ARMC3: variants seen among roughly 807,000 people sequenced by gnomAD.
ARMC3 encodes the protein armadillo repeat containing 3, also known as armadillo repeat-containing protein 3.
Under a neutral mutation model 90.3 loss-of-function variants are expected in ARMC3, and 74 were observed. The observed-to-expected ratio is 0.82, with a 90% CI of 0.68 to 0.99. The LOEUF is 0.99. Among genes scored for constraint, ARMC3 ranks in the 50% least tolerant of loss-of-function variants. ARMC3 has a pLI of 0.00. For synonymous variants in ARMC3, 334 were observed against 361.8 expected (o/e 0.92, Z 0.87); for missense variants, 958 against 1,042.8 (o/e 0.92, Z 1.12).
chr10:23,020,957 A>G (rs559025390), intron 16 of ARMC3, among the ~76,000 whole-genome samples: 2 of 151,282 alleles, frequency 1.3e-5, no homozygotes, highest in African/African-American at 2.4e-5. Context: ...CCACCTCTCA[A>G]CCTCCCCCAC....
intron 8 of ARMC3, among the ~76,000 whole-genome samples, chr10:22,978,778 A>G (rs563132529): frequency 1.2e-4 from 18 of 152,036 alleles, no homozygotes; most frequent in Non-Finnish European, 2.2e-4. Context: ...TTTGACAAAT[A>G]TTGCTCCTTA....
chr10:22,947,104 A>G (rs1834560172), intron 3 of ARMC3, among the ~76,000 whole-genome samples: 1 of 151,768 alleles, frequency 6.6e-6, no homozygotes, highest in Non-Finnish European at 1.5e-5. Flanking sequence ...CCAGGAGTTC[A>G]AGACCAGCCT....
At chr10:22,946,044 T>C in intron 2 of ARMC3, 100 bp from the exon 3 acceptor site, 1 of 837,430 alleles carries the variant, frequency 1.2e-6, no homozygotes, top group Non-Finnish European at 1.8e-6. Context: ...CACATCCTTT[T>C]TGCAAGATTA....
intron 7 of ARMC3, among the ~76,000 whole-genome samples, chr10:22,962,477 T>C (rs1835241273): frequency 6.6e-6 from 1 of 152,200 alleles, no homozygotes; most frequent in African/African-American, 2.4e-5. Context: ...ACTTTAAGAA[T>C]GTCTGTGCCT....
intron 10 of ARMC3, among the ~76,000 whole-genome samples, chr10:22,991,268 T>C (rs1458062446): frequency 6.6e-6 from 1 of 152,072 alleles, no homozygotes; most frequent in African/African-American, 2.4e-5. Context: ...TAAAAATGAA[T>C]CTATATAATC....
intron 3 of ARMC3, 177 bp downstream of exon 3, chr10:22,946,438 C>A: frequency 2.2e-6 from 1 of 446,582 alleles, no homozygotes; most frequent in South Asian, 3.2e-5. Context: ...GAGTTCCTAG[C>A]TTAATCTTAA....
chr10:22,938,693 T>A (rs1040760421), intron 2 of ARMC3, among the ~76,000 whole-genome samples: 1 of 151,650 alleles, frequency 6.6e-6, no homozygotes, highest in Non-Finnish European at 1.5e-5. Context: ...AGCAATGGAG[T>A]GAATGGAAGT....
intron 1 of ARMC3, among the ~76,000 whole-genome samples, chr10:22,930,828 C>T (rs184366283): frequency 1.2e-4 from 18 of 152,234 alleles, no homozygotes; most frequent in Admixed American, 9.8e-4. Flanking sequence ...TACGATATAC[C>T]GTTTAAGATG....
chr10:22,969,828 A>T (rs1431179509), intron 8 of ARMC3, among the ~76,000 whole-genome samples: 1 of 152,168 alleles, frequency 6.6e-6, no homozygotes, highest in South Asian at 2.1e-4. Flanking sequence ...ATATGTATCA[A>T]ATGTGGCTGG....
chr10:23,007,354 T>C (rs1388100694), intron 14 of ARMC3, among the ~76,000 whole-genome samples: 1 of 152,102 alleles, frequency 6.6e-6, no homozygotes, highest in Non-Finnish European at 1.5e-5. Flanking sequence ...CACCCAACAT[T>C]TTTCTTTGAA....
intron 3 of ARMC3, among the ~76,000 whole-genome samples, chr10:22,950,383 C>T (rs1287435407): frequency 6.6e-6 from 1 of 152,002 alleles, no homozygotes; most frequent in East Asian, 1.9e-4. Flanking sequence ...GTTAGGATCT[C>T]ATATGTGAAG....
intron 3 of ARMC3, among the ~76,000 whole-genome samples, chr10:22,951,085 C>T (rs1221115200): frequency 6.6e-6 from 1 of 151,400 alleles, no homozygotes; most frequent in Non-Finnish European, 1.5e-5. Flanking sequence ...CTACAGGCGC[C>T]CGCCACTACA....
rs956743905 is a variant in ARMC3 at position 22,975,645 on chromosome 10, T to C, written c.917-5695T>C. The stretch of plus-strand genomic sequence containing the variant: ...CCTGATTTGCATTATTTTGCATATA[T>C]GATTTTTTTGCTGTATTAAGGTAGA... On this transcript the variant is annotated intron_variant, in intron 8 of 18. Transcript: ENST00000298032. 4.6e-5 allele frequency among the ~76,000 whole-genome samples: 7 copies of C among 152,300 alleles called. No homozygotes were observed. The South Asian group carries it at 8.3e-4, about 18-fold the overall frequency.
chr10:22,971,944 A>G (rs557781229), intron 8 of ARMC3, among the ~76,000 whole-genome samples: 5 of 152,196 alleles, frequency 3.3e-5, no homozygotes, highest in Non-Finnish European at 5.9e-5. Flanking sequence ...CCTAATGATT[A>G]GCAACTTCAA....
Position 22,942,317 on chromosome 10 carries a change from T to A in ARMC3, c.49-3827T>A, listed in dbSNP as rs186720717. On this transcript the variant is annotated intron_variant, in intron 2 of 18. Coordinates refer to ENST00000298032, the MANE Select transcript of ARMC3 (RefSeq NM_173081.5). Reference sequence around the variant, plus strand: ...CACTGTGGGTGCGGCAGGAAACCCATCTATGGGCAGATAGAGAAAAATTAA... The same window carrying A: ...CACTGTGGGTGCGGCAGGAAACCCAACTATGGGCAGATAGAGAAAAATTAA... Among the ~76,000 whole-genome samples the A allele has an allele frequency of 1.1e-4, 16 of 152,266 alleles. No homozygotes were observed. In the East Asian group the frequency reaches 2.7e-3, roughly 26 times the overall value.
chr10:22,952,246 A>G (rs1834763802), intron 3 of ARMC3, among the ~76,000 whole-genome samples: 1 of 152,176 alleles, frequency 6.6e-6, no homozygotes, highest in Non-Finnish European at 1.5e-5. Context: ...GAGCCATAAA[A>G]ATGAAAAGCT....
At chr10:22,947,299 C>T (rs1435518212) in intron 3 of ARMC3, among the ~76,000 whole-genome samples, 2 of 149,168 alleles carry the variant, frequency 1.3e-5, no homozygotes, top group Admixed American at 6.6e-5. Context: ...GAGAGAGACC[C>T]TGTCTCAAAA....
intron 13 of ARMC3, among the ~76,000 whole-genome samples, chr10:23,004,652 G>A (rs996445219): frequency 2.0e-5 from 3 of 152,134 alleles, no homozygotes; most frequent in Non-Finnish European, 4.4e-5. Flanking sequence ...AGAAGCAGAG[G>A]AGACAGGGCC....
At chr10:23,020,795 T>G (rs367721187) in intron 16 of ARMC3, among the ~76,000 whole-genome samples, 1 of 152,194 alleles carries the variant, frequency 6.6e-6, no homozygotes, top group East Asian at 1.9e-4. Context: ...GGCTTTTGTT[T>G]TTGCTTTTTC....
Sources: allele counts gnomAD v4.1 joint callset (sites outside exome capture counted in the v4.1 genomes callset), GRCh38; gene constraint gnomAD v4.1.1; transcripts MANE v1.5; gene names NCBI Gene and HGNC (gene_info 2026-07-23, HGNC 2026-07-21).